Variants in PARM1 observed in about 807,000 individuals in gnomAD.
The protein encoded by PARM1 is WSC4, cell wall integrity and stress response component 4 homolog.
In PARM1, 14 loss-of-function variants were observed where a neutral mutation model predicts 24.6. That is an observed-to-expected ratio of 0.57 (90% CI 0.38 to 0.89). The LOEUF (loss-of-function observed/expected upper bound fraction) is 0.89, where lower values mean the gene tolerates loss of function less well. PARM1 is among the 40% of genes least tolerant of loss of function. The pLI is 0.00. For missense variants in PARM1, 362 were observed against 380.4 expected, an observed-to-expected ratio of 0.95 and a Z score of 0.40; for synonymous variants, 179 against 156.6, an observed-to-expected ratio of 1.14 and a Z score of -1.07.
At chr4:74,962,618 C>T (rs77124364) in intron 1 of PARM1, among the ~76,000 whole-genome samples, 10,742 of 152,184 alleles carry the variant, frequency 0.071, 458 homozygotes, top group Non-Finnish European at 0.094. Flanking sequence ...AAAAGTATGC[C>T]ATGCAAACAA....
chr4:75,046,367 T>C lies in PARM1; in HGVS notation c.*120T>C. On this transcript the variant is annotated 3_prime_UTR_variant, in exon 4 of 4. Transcript: ENST00000307428. ...AATCTTAAGCCCTGTTTTGTTGGTA[T>C]GGTTGTTTTTGTTTTCCTCCCTCTC... The C allele has an allele frequency of 1.5e-6, 1 of 655,510 alleles. No homozygotes were observed. The allele number at this position is 655,510 out of a possible 1,614,324, so 40.6% of individuals were successfully genotyped here.
chr4:74,945,124 A>G (rs1314738213), intron 1 of PARM1, among the ~76,000 whole-genome samples: 2 of 152,234 alleles, frequency 1.3e-5, no homozygotes, highest in Admixed American at 6.5e-5. Flanking sequence ...GACATAATAT[A>G]TTGTAACTTT....
chr4:75,020,515 C>G (rs967749301), intron 2 of PARM1, among the ~76,000 whole-genome samples: 1 of 151,972 alleles, frequency 6.6e-6, no homozygotes, highest in Admixed American at 6.6e-5. Context: ...ACCCATCTCC[C>G]TACTCCCTGT....
chr4:74,992,407 G>C (rs1203571555), intron 1 of PARM1, among the ~76,000 whole-genome samples: 1 of 152,062 alleles, frequency 6.6e-6, no homozygotes, highest in African/African-American at 2.4e-5. Flanking sequence ...CAAAGAAAGG[G>C]GCAGTGCAGA....
In PARM1 at chr4:75,046,246, A is replaced by C. The variant is rs1560397229; in HGVS notation, c.932A>C (p.Ter311SerextTer10). The change falls in exon 4 of 4, where the codon TAA (stop) becomes TCA (serine). Residue 311 changes from the stop codon to serine, a stop_lost. Transcript: ENST00000307428. ...AACAACCCTCTGTACGATGACTCCT[A>C]ACAATGGAATATGGCCTGGGATGAG... ...NYNNPLYDDS[*>S] 1 of 1,594,640 alleles carries C rather than the reference A, an allele frequency of 6.3e-7. No individual in the cohort carries two copies. The highest frequency in any genetic ancestry group is 8.6e-7 in the Non-Finnish European group (1 of 1,162,270).
chr4:74,999,583 A>T (rs1722639389), intron 1 of PARM1, among the ~76,000 whole-genome samples: 1 of 152,248 alleles, frequency 6.6e-6, no homozygotes. Flanking sequence ...CATATAATTT[A>T]GATACCTGGG....
intron 1 of PARM1, among the ~76,000 whole-genome samples, chr4:74,950,953 A>G (rs1056821907): frequency 2.0e-5 from 3 of 152,198 alleles, no homozygotes; most frequent in African/African-American, 7.2e-5. Context: ...GGAAAAAGAA[A>G]AGGAACGGAG....
intron 1 of PARM1, among the ~76,000 whole-genome samples, chr4:74,954,972 A>T (rs1211446657): frequency 6.6e-6 from 1 of 152,194 alleles, no homozygotes; most frequent in Non-Finnish European, 1.5e-5. Context: ...TTTAGGCTTA[A>T]GCCATGGTGG....
intron 2 of PARM1, among the ~76,000 whole-genome samples, chr4:75,027,373 C>T (rs375474994): frequency 5.3e-5 from 8 of 151,828 alleles, no homozygotes; most frequent in East Asian, 1.9e-4. Context: ...AGGGAGGAGA[C>T]GAGATGTGCT....
intron 1 of PARM1, among the ~76,000 whole-genome samples, chr4:74,972,561 G>A (rs114798067): frequency 6.6e-6 from 1 of 152,038 alleles, no homozygotes; most frequent in Non-Finnish European, 1.5e-5. Flanking sequence ...GCAGTTCTTC[G>A]GTAGTAGTAT....
At chr4:75,037,966 G>T (rs1056936575) in intron 3 of PARM1, among the ~76,000 whole-genome samples, 1 of 152,046 alleles carries the variant, frequency 6.6e-6, no homozygotes. Context: ...ACCCAGGCTG[G>T]AGTGCAGTGG....
chr4:74,946,141 C>T (rs1721406152), intron 1 of PARM1, among the ~76,000 whole-genome samples: 1 of 152,168 alleles, frequency 6.6e-6, no homozygotes, highest in Admixed American at 6.6e-5. Context: ...CCCATTTTGC[C>T]GTTCAGGTCA....
rs1243074208 is a variant in PARM1 at position 75,012,842 on chromosome 4, C to T, written c.461C>T (p.Pro154Leu). 6.2e-7 allele frequency: 1 copy of T among 1,613,848 alleles called. No individual in the cohort carries two copies. Among genetic ancestry groups the T allele is most frequent in the Non-Finnish European group, 8.5e-7 (1 of 1,179,896 alleles). The change falls in exon 2 of 4, where the codon CCA becomes CTA. Residue 154 changes from proline (P) to leucine (L), a missense_variant. Transcript: ENST00000307428. Reference protein sequence around the residue: ...EPPTLISPQAPASSPSSLSTS... With the variant: ...EPPTLISPQALASSPSSLSTS... ...CCCACACTCATCTCCCCTCAAGCTCCAGCCTCATCACCCTCATCCCTATCA... is the reference window on the plus strand; with the variant it reads ...CCCACACTCATCTCCCCTCAAGCTCTAGCCTCATCACCCTCATCCCTATCA...
chr4:74,955,536 C>G (rs1031806851), intron 1 of PARM1, among the ~76,000 whole-genome samples: 2 of 152,142 alleles, frequency 1.3e-5, no homozygotes, highest in African/African-American at 4.8e-5. Flanking sequence ...ACTTTGTGCC[C>G]CTAGTAAGGT....
At chr4:74,986,831 A>C (rs994193994) in intron 1 of PARM1, among the ~76,000 whole-genome samples, 1 of 152,164 alleles carries the variant, frequency 6.6e-6, no homozygotes, top group Admixed American at 6.5e-5. Flanking sequence ...CTTGCTAAGG[A>C]AGCCCACCAG....
At chr4:74,942,302 G>T (rs1050700075) in intron 1 of PARM1, among the ~76,000 whole-genome samples, 14 of 152,192 alleles carry the variant, frequency 9.2e-5, no homozygotes, top group African/African-American at 2.7e-4. Flanking sequence ...TTTTAATTGA[G>T]AATCTACATG....
intron 1 of PARM1, among the ~76,000 whole-genome samples, chr4:74,996,742 A>T: frequency 6.6e-6 from 1 of 152,200 alleles, no homozygotes. Flanking sequence ...GTGAAACAGA[A>T]ATCAAAATTA....
intron 1 of PARM1, among the ~76,000 whole-genome samples, chr4:75,005,255 G>A (rs1722749298): frequency 1.3e-5 from 2 of 152,138 alleles, no homozygotes; most frequent in African/African-American, 4.8e-5. Flanking sequence ...AGCAGGAAAG[G>A]GCTTGACTGC....
intron 1 of PARM1, among the ~76,000 whole-genome samples, chr4:74,999,516 G>T (rs959314587): frequency 3.3e-5 from 5 of 152,136 alleles, no homozygotes; most frequent in Admixed American, 6.6e-5. Context: ...CAATGGAAAG[G>T]TTGTATGAAA....
Sources: allele counts gnomAD v4.1 joint callset (sites outside exome capture counted in the v4.1 genomes callset), GRCh38; gene constraint gnomAD v4.1.1; transcripts MANE v1.5; gene names NCBI Gene and HGNC (gene_info 2026-07-23, HGNC 2026-07-21).